The following HABP4 variants were observed in gnomAD, a reference collection of about 807,000 sequenced individuals.
HABP4 encodes the protein hyaluronan binding protein 4.
HABP4 carries 32 observed loss-of-function variants against 44.1 expected under a neutral mutation model. The observed-to-expected ratio is 0.73, with a 90% CI of 0.55 to 0.97. The LOEUF is 0.97. Among genes scored for constraint, HABP4 ranks in the 50% least tolerant of loss-of-function variants. The pLI, the probability that HABP4 is intolerant of heterozygous loss-of-function variation, is 0.00. For synonymous variants in HABP4, 216 were observed against 218.0 expected (o/e 0.99, Z 0.08); for missense variants, 503 against 561.9 (o/e 0.90, Z 1.06).
At chr9:96,463,535 G>A (rs773901254) in intron 2 of HABP4, among the ~76,000 whole-genome samples, 1 of 152,162 alleles carries the variant, frequency 6.6e-6, no homozygotes, top group Admixed American at 6.5e-5. Context: ...GATTACAGGC[G>A]TGAGCCACCG....
At chr9:96,463,404 G>A (rs576330258) in intron 2 of HABP4, among the ~76,000 whole-genome samples, 1 of 152,152 alleles carries the variant, frequency 6.6e-6, no homozygotes, top group Non-Finnish European at 1.5e-5. Flanking sequence ...ACAGGCGTCC[G>A]CCACAACGGC....
Position 96,488,177 on chromosome 9 carries a change from A to T in HABP4, c.1088A>T (p.Asn363Ile). The T allele has an allele frequency of 6.2e-7, 1 of 1,613,402 alleles. No homozygotes were observed. Among genetic ancestry groups the T allele is most frequent in the East Asian group, 2.2e-5 (1 of 44,882 alleles). The change falls in exon 7 of 8, where the codon AAC (asparagine) becomes ATC (isoleucine). Residue 363 changes from asparagine to isoleucine, a missense_variant. Asn to Ile is a moderately radical substitution (Grantham distance 149). Transcript: ENST00000375249. This position sits in a 1 kb window ranked among gnomAD's most constrained non-coding sequence, Gnocchi z 4.6. ...TCCCAGCTGGAGATTAATTTTGGTA[A>T]CCTCCCTCGTCCTGGGCGTGGAGCC... ...ITSQLEINFGNLPRPGRGARG... is the reference protein window; with the variant it reads ...ITSQLEINFGILPRPGRGARG...
intron 6 of HABP4, among the ~76,000 whole-genome samples, chr9:96,486,986 T>A (rs1832986421): frequency 6.6e-6 from 1 of 151,946 alleles, no homozygotes; most frequent in Non-Finnish European, 1.5e-5. Context: ...AAGGCAAGGG[T>A]TGAGTATTTT....
chr9:96,488,856 G>A lies in HABP4; in HGVS notation c.1185+582G>A, dbSNP rs1033709933. Among the ~76,000 whole-genome samples, 8 of 152,126 alleles carry A rather than the reference G, an allele frequency of 5.3e-5. No homozygotes were observed. The highest frequency in any genetic ancestry group is 1.7e-4 in the African/African-American group (7 of 41,418). On this transcript the variant is annotated intron_variant, in intron 7 of 7. Transcript: ENST00000375249. The surrounding 1 kb of genome is among the most constrained non-coding windows in gnomAD (Gnocchi z 4.6). Reference sequence around the variant, plus strand: ...CATCTCCTAGACCGATCAAGGTCTCGGAGCAAAGGAGTTTCTTTTCATTGA... The same window carrying A: ...CATCTCCTAGACCGATCAAGGTCTCAGAGCAAAGGAGTTTCTTTTCATTGA...
At chr9:96,487,496 T>G (rs1324449625) in intron 6 of HABP4, among the ~76,000 whole-genome samples, 3 of 152,234 alleles carry the variant, frequency 2.0e-5, no homozygotes, top group Non-Finnish European at 4.4e-5. Flanking sequence ...GTAACCATAC[T>G]CTTGTTTTTA....
rs1832784463 is a variant in HABP4, at chr9:96,476,200, G to T, written c.827+5106G>T. Reference sequence around the variant, plus strand: ...TGGAACTTGCCTCTTCTATTTATTTGCTCACTATGTGACCTCTCTCTGCCT... The same window carrying T: ...TGGAACTTGCCTCTTCTATTTATTTTCTCACTATGTGACCTCTCTCTGCCT... On this transcript the variant is annotated intron_variant, in intron 5 of 7. Coordinates refer to ENST00000375249, the MANE Select transcript of HABP4 (RefSeq NM_014282.4). Among the ~76,000 whole-genome samples the T allele has an allele frequency of 2.0e-5, 3 of 152,078 alleles. No individual in the cohort carries two copies. In the South Asian group the frequency reaches 6.2e-4, roughly 32 times the overall value.
At chr9:96,474,670 T>C (rs1462275848) in intron 5 of HABP4, among the ~76,000 whole-genome samples, 1 of 152,226 alleles carries the variant, frequency 6.6e-6, no homozygotes, top group Non-Finnish European at 1.5e-5. Context: ...TTTAACATTA[T>C]TACTAAAATT....
rs778920750 is a variant in HABP4, at chr9:96,488,151, A to C, written c.1062A>C (p.Thr354=). ...HVFRKPANDI[T]SQLEINFGNL... ...TCCGGAAACCCGCCAATGACATCAC[A>C]TCCCAGCTGGAGATTAATTTTGGTA... Residue 354 remains threonine, a synonymous_variant, in exon 7 of 8, where the codon ACA becomes ACC. Coordinates refer to ENST00000375249, the MANE Select transcript of HABP4 (RefSeq NM_014282.4). The surrounding 1 kb of genome is among the most constrained non-coding windows in gnomAD (Gnocchi z 4.6). 15 of 1,613,232 alleles carry C rather than the reference A, an allele frequency of 9.3e-6. No individual in the cohort carries two copies. In the African/African-American group the frequency reaches 9.3e-5, roughly 10 times the overall value.
rs1833088071 is a variant in HABP4 at position 96,491,093 on chromosome 9, TG to T, written c.*1058del. 6.6e-6 allele frequency: 1 copy of T among 152,296 alleles called. No individual in the cohort carries two copies. Among genetic ancestry groups the T allele is most frequent in the Non-Finnish European group, 1.5e-5 (1 of 68,152 alleles). 9.4% of individuals were successfully genotyped at this position (152,296 alleles called of 1,614,324 possible). A position where few individuals can be genotyped will look rare whatever the true frequency, so the allele number is the denominator to read the frequency against. On this transcript the variant is annotated 3_prime_UTR_variant, in exon 8 of 8. Coordinates refer to ENST00000375249, the MANE Select transcript of HABP4 (RefSeq NM_014282.4). ...AACACACACTGTGCTGGGGAGGAAG[TG>T]GGCCTAGGAGGGCCTGCAGGTCCAG...
chr9:96,464,339 T>C (rs1490256972), intron 2 of HABP4, among the ~76,000 whole-genome samples: 1 of 152,168 alleles, frequency 6.6e-6, no homozygotes, highest in East Asian at 1.9e-4. Context: ...ATCCTGCCAC[T>C]GCACTCCAGC....
chr9:96,462,259 C>G (rs940382889), intron 2 of HABP4, among the ~76,000 whole-genome samples: 2 of 152,004 alleles, frequency 1.3e-5, no homozygotes, highest in African/African-American at 4.8e-5. Flanking sequence ...CGATTCCAGC[C>G]TGGCCAACGT....
Position 96,450,317 on chromosome 9 carries a change from G to T in HABP4, c.38G>T (p.Gly13Val). 1 of 1,469,652 alleles carries T rather than the reference G, an allele frequency of 6.8e-7. No homozygotes were observed. 91.0% of individuals were successfully genotyped at this position (1,469,652 alleles called of 1,614,324 possible). A position where few individuals can be genotyped will look rare whatever the true frequency, so the allele number is the denominator to read the frequency against. The change falls in exon 1 of 8, where the codon GGC (glycine) becomes GTC (valine). Residue 13 changes from glycine (G) to valine (V), a missense_variant. This residue lies in a region of HABP4 where 290 missense variants were observed against 300.5 expected (regional missense o/e 0.97). Coordinates refer to ENST00000375249, the MANE Select transcript of HABP4 (RefSeq NM_014282.4). The surrounding 1 kb of genome is among the most constrained non-coding windows in gnomAD (Gnocchi z 4.8). Reference sequence around the variant, plus strand: ...CTGGGGAGTCCCGTGGCTGCCGCTGGCGCCGCGATGCAGGAGAGTTTCGGC... The same window carrying T: ...CTGGGGAGTCCCGTGGCTGCCGCTGTCGCCGCGATGCAGGAGAGTTTCGGC... ...GALGSPVAAA[G>V]AAMQESFGCV...
At chr9:96,481,097 G>A (rs1306785389) in intron 5 of HABP4, among the ~76,000 whole-genome samples, 1 of 152,086 alleles carries the variant, frequency 6.6e-6, no homozygotes, top group Non-Finnish European at 1.5e-5. Context: ...GTTTTGTTTT[G>A]TTTTGGAGAA....
At chr9:96,467,262 T>C (rs185885136) in intron 4 of HABP4, among the ~76,000 whole-genome samples, 28 of 152,222 alleles carry the variant, frequency 1.8e-4, no homozygotes, top group Admixed American at 1.6e-3. Flanking sequence ...TTTCTTAAAT[T>C]GTTGTCCTTA....
intron 7 of HABP4, among the ~76,000 whole-genome samples, chr9:96,489,654 T>C (rs985957633): frequency 1.3e-5 from 2 of 152,248 alleles, no homozygotes; most frequent in Non-Finnish European, 2.9e-5. Context: ...TCCCCGAGGA[T>C]AGGCACTGTC....
intron 4 of HABP4, among the ~76,000 whole-genome samples, chr9:96,470,241 C>T (rs944140735): frequency 1.1e-4 from 17 of 152,038 alleles, no homozygotes. Flanking sequence ...CCCGGGAGGT[C>T]GAGACTACAG....
intron 4 of HABP4, among the ~76,000 whole-genome samples, chr9:96,466,500 T>G (rs1344108823): frequency 6.6e-6 from 1 of 152,134 alleles, no homozygotes; most frequent in African/African-American, 2.4e-5. Flanking sequence ...CCTCCCAAAG[T>G]GCTAGGATTA....
intron 2 of HABP4, among the ~76,000 whole-genome samples, chr9:96,462,704 T>C (rs1394922985): frequency 6.6e-6 from 1 of 151,882 alleles, no homozygotes; most frequent in Non-Finnish European, 1.5e-5. Flanking sequence ...GGTAGGCGGA[T>C]CTCTTGAGCC....
chr9:96,450,164 A>T (rs1318333823), upstream of HABP4: 1 of 988,378 alleles, frequency 1.0e-6, no homozygotes. The surrounding 1 kb of genome is among the most constrained non-coding windows in gnomAD (Gnocchi z 4.8). Context: ...GGGGCCGGAC[A>T]GGGTAGGGCC....
Sources: gnomAD v4.1 joint callset for allele counts (sites outside exome capture counted in the v4.1 genomes callset) on GRCh38, gnomAD v4.1.1 for gene constraint, gnomAD v4.1.1 regional missense constraint, Gnocchi (gnomAD v3.1) non-coding constraint, MANE v1.5 for transcripts, NCBI Gene and HGNC (gene_info 2026-07-23, HGNC 2026-07-21) for gene names.